The following PIK3R4 variants were observed in gnomAD, a reference collection of about 807,000 sequenced individuals.
PIK3R4 encodes the protein phosphoinositide-3-kinase regulatory subunit 4.
A neutral mutation model predicts 136.5 loss-of-function variants in PIK3R4; 46 were observed. The observed-to-expected ratio is 0.34, with a 90% CI of 0.27 to 0.43. PIK3R4 has a LOEUF of 0.43. PIK3R4 is among the 20% of genes least tolerant of loss of function. The probability of loss-of-function intolerance (pLI) is 1.00; values close to 1 mark genes in which losing one functional copy is unlikely to be tolerated. For missense variants in PIK3R4, 1,331 were observed against 1,649.5 expected, an observed-to-expected ratio of 0.81 and a Z score of 3.35; for synonymous variants, 557 against 566.7, an observed-to-expected ratio of 0.98 and a Z score of 0.24.
At chr3:130,729,702 A>G (rs1347269862) in intron 5 of PIK3R4, among the ~76,000 whole-genome samples, 1 of 152,196 alleles carries the variant, frequency 6.6e-6, no homozygotes, top group Non-Finnish European at 1.5e-5. Context: ...TGTTTGCAGC[A>G]TAAAATTCTA....
At position 130,690,519 on chromosome 3, in the gene PIK3R4, C is replaced by A; in HGVS notation, c.3234G>T (p.Lys1078Asn). The change falls in exon 14 of 20, where the codon AAG becomes AAT. Residue 1078 changes from lysine (K) to asparagine (N), a missense_variant. Coordinates refer to ENST00000356763, the MANE Select transcript of PIK3R4 (RefSeq NM_014602.3). The stretch of plus-strand genomic sequence containing the variant: ...TTTGTAGAGGATGGATTTTAGGAGA[C>A]TTGGGCAGCTTAGAAGCCTCAATTC... ...LLGIEASKLP[K>N]SPKIHPLQSR... 6.2e-7 allele frequency: 1 copy of A among 1,613,352 alleles called. No individual in the cohort carries two copies. The highest frequency in any genetic ancestry group is 8.5e-7 in the Non-Finnish European group (1 of 1,179,602).
At chr3:130,736,330 A>G (rs1168997872) in intron 2 of PIK3R4, among the ~76,000 whole-genome samples, 1 of 152,236 alleles carries the variant, frequency 6.6e-6, no homozygotes, top group Non-Finnish European at 1.5e-5. Context: ...GCACTTTGGG[A>G]GGCCAAGGCC....
At chr3:130,744,401 C>A in intron 2 of PIK3R4, 85 bp downstream of exon 2, 1 of 1,404,016 alleles carries the variant, frequency 7.1e-7, no homozygotes, top group Admixed American at 2.2e-5. Context: ...TTTTCAATAT[C>A]TGGTGACTAA....
At position 130,690,656 on chromosome 3, in the gene PIK3R4, T is replaced by C. The variant is rs762793792; in HGVS notation, c.3099-2A>G. 7.6e-6 allele frequency: 12 copies of C among 1,576,562 alleles called. No homozygotes were observed. The highest frequency in any genetic ancestry group is 1.1e-5 in the South Asian group (1 of 86,962). ...ATTCGGCTGTATGTAAGAATAGATC[T>C]GAATGAAAGAAAAATAAAATTCATT... On this transcript the variant is annotated splice_acceptor_variant, in intron 13 of 19. Transcript: ENST00000356763. LOFTEE classifies it high-confidence loss of function.
intron 5 of PIK3R4, among the ~76,000 whole-genome samples, chr3:130,729,583 G>A (rs2107618198): frequency 6.6e-6 from 1 of 152,168 alleles, no homozygotes. Flanking sequence ...AAAAGGCTAG[G>A]ACTTCCTGAT....
chr3:130,709,802 A>G (rs1016480726), intron 9 of PIK3R4, among the ~76,000 whole-genome samples: 1 of 152,206 alleles, frequency 6.6e-6, no homozygotes, highest in Non-Finnish European at 1.5e-5. Flanking sequence ...TGATTCCATC[A>G]ATATGAAATG....
At position 130,727,260 on chromosome 3, in the gene PIK3R4, A is replaced by G. The variant is rs1337429618; in HGVS notation, c.1807+1203T>C. The stretch of plus-strand genomic sequence containing the variant: ...TTTTGAGACGGAGTCTCGCTCTTTC[A>G]CCCAGGCCTGACTGCAGTGGCGCAA... On this transcript the variant is annotated intron_variant, in intron 6 of 19. Transcript: ENST00000356763. Among the ~76,000 whole-genome samples, 9 of 148,902 alleles carry G rather than the reference A, an allele frequency of 6.0e-5. No individual in the cohort carries two copies. The South Asian group carries it at 1.9e-3, about 31-fold the overall frequency.
Position 130,680,661 on chromosome 3 carries a change from T to G in PIK3R4, c.3858A>C (p.Pro1286=), listed in dbSNP as rs1337615759. ...TTATTTTCCTGTAGTAGGACACAGA[T>G]GGGGAACTAGTACTTCCTGCAACAA... ...SYVVAGSTSS[P]SVSYYRKIIE... Residue 1286 remains proline, a synonymous_variant, in exon 19 of 20, where the codon CCA becomes CCC. Coordinates refer to ENST00000356763, the MANE Select transcript of PIK3R4 (RefSeq NM_014602.3). 6.2e-7 allele frequency: 1 copy of G among 1,613,166 alleles called. No individual in the cohort carries two copies. Among genetic ancestry groups the G allele is most frequent in the Admixed American group, 1.7e-5 (1 of 59,974 alleles).
At position 130,746,529 on chromosome 3, in the gene PIK3R4, G is replaced by C. The variant is rs1336061631; in HGVS notation, c.-258C>G. 6.6e-6 allele frequency: 1 copy of C among 152,310 alleles called. No individual in the cohort carries two copies. The highest frequency in any genetic ancestry group is 3.2e-3 in the Middle Eastern group (1 of 316). 9.4% of individuals were successfully genotyped at this position (152,310 alleles called of 1,614,324 possible). ...CCGGTGGTCCTGGGAGGAGAACTGG[G>C]AAAGCTCTCGGGGTCTCAGCAGAGA... is the stretch of plus-strand genomic sequence containing the variant. On this transcript the variant is annotated 5_prime_UTR_variant, in exon 1 of 20. Coordinates refer to ENST00000356763, the MANE Select transcript of PIK3R4 (RefSeq NM_014602.3).
chr3:130,689,273 C>G (rs1388062019), intron 14 of PIK3R4, among the ~76,000 whole-genome samples: 1 of 152,200 alleles, frequency 6.6e-6, no homozygotes, highest in Non-Finnish European at 1.5e-5. Flanking sequence ...GGCTGAGAGA[C>G]AACCGTGCAC....
intron 2 of PIK3R4, among the ~76,000 whole-genome samples, chr3:130,742,722 T>C (rs1374261500): frequency 6.6e-6 from 1 of 152,252 alleles, no homozygotes; most frequent in African/African-American, 2.4e-5. Context: ...TGGCTCAATT[T>C]ATGTTTTTTG....
chr3:130,735,144 C>A (rs2066779171), intron 3 of PIK3R4, among the ~76,000 whole-genome samples: 1 of 152,178 alleles, frequency 6.6e-6, no homozygotes, highest in African/African-American at 2.4e-5. Flanking sequence ...CAACTGGCTT[C>A]CTCTGAAGCA....
At chr3:130,702,733 T>C (rs1372389549) in intron 13 of PIK3R4, among the ~76,000 whole-genome samples, 1 of 152,216 alleles carries the variant, frequency 6.6e-6, no homozygotes, top group Admixed American at 6.5e-5. Flanking sequence ...GACATACTTA[T>C]AAAGTTGTAC....
At chr3:130,698,383 T>C (rs1208640133) in intron 13 of PIK3R4, among the ~76,000 whole-genome samples, 2 of 152,182 alleles carry the variant, frequency 1.3e-5, no homozygotes, top group African/African-American at 4.8e-5. Flanking sequence ...GCTCTATTCA[T>C]TTTTCTTTAT....
At chr3:130,741,106 G>A (rs1314410768) in intron 2 of PIK3R4, among the ~76,000 whole-genome samples, 2 of 152,114 alleles carry the variant, frequency 1.3e-5, no homozygotes, top group East Asian at 1.9e-4. Context: ...CTCCCCTCCT[G>A]CAAGTTCATA....
At chr3:130,725,218 A>G (rs2066724773) in intron 6 of PIK3R4, among the ~76,000 whole-genome samples, 1 of 151,956 alleles carries the variant, frequency 6.6e-6, no homozygotes, top group Non-Finnish European at 1.5e-5. Flanking sequence ...GTGATTAAAA[A>G]TATATAATAA....
At chr3:130,727,647 GATATA>G (rs1220087781) in intron 6 of PIK3R4, among the ~76,000 whole-genome samples, 1 of 152,222 alleles carries the variant, frequency 6.6e-6, no homozygotes, top group African/African-American at 2.4e-5. Context: ...TGTGGGAAAT[GATATA>G]ATAGGGGGTA....
chr3:130,714,323 T>C (rs1333210400), intron 9 of PIK3R4, among the ~76,000 whole-genome samples: 1 of 152,210 alleles, frequency 6.6e-6, no homozygotes, highest in Non-Finnish European at 1.5e-5. Flanking sequence ...TTTTTAACCA[T>C]TTTTATTCCT....
chr3:130,717,042 A>C (rs1223389015), intron 8 of PIK3R4, among the ~76,000 whole-genome samples: 1 of 152,244 alleles, frequency 6.6e-6, no homozygotes, highest in East Asian at 1.9e-4. Context: ...AAACATTGCT[A>C]TCTCCATAGT....
Sources: gnomAD v4.1 joint callset for allele counts (sites outside exome capture counted in the v4.1 genomes callset) on GRCh38, gnomAD v4.1.1 for gene constraint, MANE v1.5 for transcripts, NCBI Gene and HGNC (gene_info 2026-07-23, HGNC 2026-07-21) for gene names.